Variants in ADD3 observed in about 807,000 individuals in gnomAD.
The protein encoded by ADD3 is adducin 3.
In ADD3, 25 loss-of-function variants were observed where a neutral mutation model predicts 80.2. The ratio of observed to expected loss-of-function variants is 0.31; its 90% CI spans 0.23 to 0.44. The LOEUF is 0.44. Ranked by LOEUF, ADD3 falls within the 20% of genes least tolerant of loss-of-function variation. The probability of loss-of-function intolerance (pLI) is 1.00; values close to 1 mark genes in which losing one functional copy is unlikely to be tolerated. For missense variants in ADD3, 829 were observed against 847.5 expected (o/e 0.98, Z 0.27); for synonymous variants, 284 against 289.6 (o/e 0.98, Z 0.20).
At chr10:110,070,976 GT>G (rs1189499841) in intron 1 of ADD3, among the ~76,000 whole-genome samples, 5 of 42,234 alleles carry the variant, frequency 1.2e-4, no homozygotes, top group African/African-American at 1.9e-4. Flanking sequence ...GTTTTTTGTT[GT>G]TTTTGGGGGG....
At chr10:110,055,265 C>G (rs933051152) in intron 1 of ADD3, among the ~76,000 whole-genome samples, 2 of 152,050 alleles carry the variant, frequency 1.3e-5, no homozygotes, top group African/African-American at 4.8e-5. Flanking sequence ...ATTGCATGAC[C>G]ATAGAAAATA....
At chr10:110,063,371 G>T (rs1843437318) in intron 1 of ADD3, among the ~76,000 whole-genome samples, 1 of 151,962 alleles carries the variant, frequency 6.6e-6, no homozygotes, top group Admixed American at 6.6e-5. Flanking sequence ...AAATTTTCTT[G>T]AATTTCTTTA....
intron 8 of ADD3, chr10:110,119,768 A>G (rs1851224290): frequency 2.0e-6 from 1 of 509,454 alleles, no homozygotes; most frequent in East Asian, 3.4e-5. Context: ...TTTCTCACAC[A>G]CAATCTAAGG....
rs7069256 is a variant in ADD3 at position 110,018,869 on chromosome 10, T to C, written c.-30+10570T>C. 4.7e-3 allele frequency among the ~76,000 whole-genome samples: 714 copies of C among 152,304 alleles called. 10 individuals carry two copies. Among genetic ancestry groups the C allele is most frequent in the African/African-American group, 0.016 (659 of 41,574 alleles). ...ATGGAGTGGCAGTGGTGGTCACATG[T>C]AGACTTTTAACAGTGCTCCCTCTTA... On this transcript the variant is annotated intron_variant, in intron 1 of 14. Transcript: ENST00000356080.
rs1491393382 is a variant in ADD3 at position 110,133,783 on chromosome 10, ATC to A, written c.*170_*171del. 16 of 535,100 alleles carry A rather than the reference ATC, an allele frequency of 3.0e-5. No individual in the cohort carries two copies. Among genetic ancestry groups the A allele is most frequent in the Non-Finnish European group, 4.9e-5 (16 of 325,090 alleles). 33.1% of individuals were successfully genotyped at this position (535,100 alleles called of 1,614,324 possible). The stretch of plus-strand genomic sequence containing the variant: ...TTACAAAAGAAAAACTTTCAGATTC[ATC>A]TCTCATTTTATATGTCCAGAAATGG... On this transcript the variant is annotated 3_prime_UTR_variant, in exon 15 of 15. Transcript: ENST00000356080.
intron 1 of ADD3, among the ~76,000 whole-genome samples, chr10:110,056,671 A>C (rs1272575232): frequency 1.3e-5 from 2 of 152,208 alleles, no homozygotes; most frequent in African/African-American, 4.8e-5. Context: ...AGAGTTAATA[A>C]AAGGAAATGG....
intron 1 of ADD3, among the ~76,000 whole-genome samples, chr10:110,085,390 G>A (rs1413135627): frequency 1.3e-5 from 2 of 149,434 alleles, no homozygotes; most frequent in African/African-American, 4.9e-5. Context: ...GGATTTTACT[G>A]ACTGGAATCC....
chr10:110,117,677 T>TA (rs36050100), intron 5 of ADD3, among the ~76,000 whole-genome samples: 6 of 151,632 alleles, frequency 4.0e-5, no homozygotes, highest in Non-Finnish European at 8.8e-5. Context: ...TTTTTTTTTT[T>TA]ACCACCCTAT....
chr10:110,035,979 G>A (rs748050053), intron 1 of ADD3, among the ~76,000 whole-genome samples: 30 of 152,048 alleles, frequency 2.0e-4, no homozygotes, highest in Non-Finnish European at 3.1e-4. Flanking sequence ...GATGAAACTC[G>A]TCTCTACTAA....
intron 1 of ADD3, among the ~76,000 whole-genome samples, chr10:110,047,462 A>G (rs1857022288): frequency 6.6e-6 from 1 of 152,222 alleles, no homozygotes; most frequent in African/African-American, 2.4e-5. Context: ...AGGTGCTAGC[A>G]TTCTCCAAAT....
intron 8 of ADD3, among the ~76,000 whole-genome samples, chr10:110,120,314 A>G (rs1352803618): frequency 7.0e-6 from 1 of 142,296 alleles, no homozygotes; most frequent in East Asian, 2.1e-4. Context: ...TATGAGTGAG[A>G]ATATGCGGTG....
rs201995120 is a variant in ADD3 at position 110,117,432 on chromosome 10, T to G, written c.567+10T>G. ...TACAGCCTCCAATTTGGTATAATTTTCCATTCCTGTGTTGCTTTTTCTGAG... is the reference window on the plus strand; with the variant it reads ...TACAGCCTCCAATTTGGTATAATTTGCCATTCCTGTGTTGCTTTTTCTGAG... On this transcript the variant is annotated intron_variant, in intron 5 of 14. Coordinates refer to ENST00000356080, the MANE Select transcript of ADD3 (RefSeq NM_016824.5). 6.5e-7 allele frequency: 1 copy of G among 1,545,452 alleles called. No homozygotes were observed. The highest frequency in any genetic ancestry group is 2.2e-5 in the East Asian group (1 of 44,460).
chr10:110,110,706 T>A (rs1036004277), intron 2 of ADD3, among the ~76,000 whole-genome samples: 1 of 151,788 alleles, frequency 6.6e-6, no homozygotes, highest in Non-Finnish European at 1.5e-5. Flanking sequence ...TTTTTTTTTT[T>A]AAAGTTCCTG....
chr10:110,054,285 T>A (rs1345839544), intron 1 of ADD3, among the ~76,000 whole-genome samples: 1 of 152,188 alleles, frequency 6.6e-6, no homozygotes. Context: ...GAGCCATAAA[T>A]CTGAGTCTCA....
At chr10:110,082,373 C>T (rs1473854836) in intron 1 of ADD3, among the ~76,000 whole-genome samples, 2 of 152,182 alleles carry the variant, frequency 1.3e-5, no homozygotes, top group South Asian at 2.1e-4. Context: ...TTAGCTTACT[C>T]TACACACTTC....
At chr10:110,056,273 TACTC>T (rs778945662) in intron 1 of ADD3, among the ~76,000 whole-genome samples, 85 of 152,374 alleles carry the variant, frequency 5.6e-4, no homozygotes, top group African/African-American at 1.9e-3. Context: ...ATACTAGAGT[TACTC>T]ACTTTCATTT....
At chr10:110,007,570 C>G (rs995856731), upstream of ADD3, among the ~76,000 whole-genome samples, 1 of 152,178 alleles carries the variant, frequency 6.6e-6, no homozygotes, top group Non-Finnish European at 1.5e-5. Context: ...TCGTTTCCCC[C>G]TCTGGCCCTC....
intron 10 of ADD3, among the ~76,000 whole-genome samples, chr10:110,124,895 G>T (rs1851953491): frequency 6.6e-6 from 1 of 152,134 alleles, no homozygotes; most frequent in African/African-American, 2.4e-5. Context: ...ACACAAATTT[G>T]TAAACTTTAT....
At chr10:110,091,584 T>C (rs984488693) in intron 1 of ADD3, among the ~76,000 whole-genome samples, 1 of 152,182 alleles carries the variant, frequency 6.6e-6, no homozygotes, top group Non-Finnish European at 1.5e-5. Flanking sequence ...AGCCATCATA[T>C]GCAGAAGATT....
Sources: gnomAD v4.1 joint callset for allele counts (sites outside exome capture counted in the v4.1 genomes callset) on GRCh38, gnomAD v4.1.1 for gene constraint, MANE v1.5 for transcripts, NCBI Gene and HGNC (gene_info 2026-07-23, HGNC 2026-07-21) for gene names.